Variants in CSMD3 observed in about 807,000 individuals in gnomAD.
CSMD3 encodes CUB and Sushi multiple domains 3, also known as CUB and sushi domain-containing protein 3.
In CSMD3, 177 loss-of-function variants were observed where a neutral mutation model predicts 435.2. The observed-to-expected ratio is 0.41, with a 90% confidence interval of 0.36 to 0.46. CSMD3 has a LOEUF of 0.46. Ranked by LOEUF, CSMD3 falls within the 20% of genes least tolerant of loss-of-function variation. The probability of loss-of-function intolerance (pLI) is 0.34; values close to 1 mark genes in which losing one functional copy is unlikely to be tolerated. For synonymous variants in CSMD3, 1,656 were observed against 1,520.5 expected (o/e 1.09, Z -2.07); for missense variants, 4,265 against 4,504.6 (o/e 0.95, Z 1.52).
At chr8:112,604,575 G>T (rs1477938318) in intron 22 of CSMD3, among the ~76,000 whole-genome samples, 1 of 152,034 alleles carries the variant, frequency 6.6e-6, no homozygotes, top group East Asian at 1.9e-4. Flanking sequence ...GAGATGACTG[G>T]CTAGGCATAT....
At chr8:112,480,259 G>A (rs1240733642) in intron 31 of CSMD3, among the ~76,000 whole-genome samples, 1 of 152,196 alleles carries the variant, frequency 6.6e-6, no homozygotes, top group Admixed American at 6.5e-5. Context: ...TGTATCTTGG[G>A]AGTAAATAAC....
chr8:113,287,916 A>G (rs914550346), intron 2 of CSMD3, among the ~76,000 whole-genome samples: 3 of 151,956 alleles, frequency 2.0e-5, no homozygotes, highest in African/African-American at 4.8e-5. Context: ...TCTTATTATT[A>G]AAAGAATTCC....
intron 1 of CSMD3, among the ~76,000 whole-genome samples, chr8:113,410,093 T>C (rs2094551223): frequency 6.6e-6 from 1 of 152,218 alleles, no homozygotes; most frequent in Admixed American, 6.5e-5. Flanking sequence ...CCATGTATGA[T>C]AAATAAATTA....
At chr8:112,746,851 T>A (rs1368081351) in intron 13 of CSMD3, among the ~76,000 whole-genome samples, 1 of 152,042 alleles carries the variant, frequency 6.6e-6, no homozygotes, top group Non-Finnish European at 1.5e-5. Context: ...GGATAGAAAT[T>A]CCTTTGCTTC....
intron 13 of CSMD3, among the ~76,000 whole-genome samples, chr8:112,764,522 G>A (rs569329846): frequency 4.9e-4 from 74 of 151,422 alleles, no homozygotes; most frequent in African/African-American, 1.7e-3. Flanking sequence ...AATTTATCAT[G>A]TTTAGGCTCA....
At position 112,267,396 on chromosome 8, in the gene CSMD3, T is replaced by C. The variant is rs184901674; in HGVS notation, c.9509-1806A>G. 2.8e-3 allele frequency among the ~76,000 whole-genome samples: 431 copies of C among 152,288 alleles called. 4 individuals carry two copies. The highest frequency in any genetic ancestry group is 9.8e-3 in the African/African-American group (406 of 41,580). On this transcript the variant is annotated intron_variant, in intron 59 of 70. Coordinates refer to ENST00000297405, the MANE Select transcript of CSMD3 (RefSeq NM_198123.2). Reference sequence around the variant, plus strand: ...ATGATTATTGGGGAGTAAAAAGATTTTTTTTAATGATACAACTGAGTTGGA... The same window carrying C: ...ATGATTATTGGGGAGTAAAAAGATTCTTTTTAATGATACAACTGAGTTGGA...
At chr8:112,286,950 T>C (rs980954691) in intron 58 of CSMD3, 114 bp downstream of exon 58, 2 of 832,978 alleles carry the variant, frequency 2.4e-6, no homozygotes, top group Non-Finnish European at 4.1e-6. Context: ...TTTTATTTCA[T>C]AGTTGCAGGC....
Position 113,219,203 on chromosome 8 carries a change from A to G in CSMD3, c.515-45287T>C, listed in dbSNP as rs189335714. ...ATGGGTATCTACCATTTTTGCCACT[A>G]TTTAACATCATTGTAGAGCTACCAG... On this transcript the variant is annotated intron_variant, in intron 3 of 70. Coordinates refer to ENST00000297405, the MANE Select transcript of CSMD3 (RefSeq NM_198123.2). Among the ~76,000 whole-genome samples, 826 of 151,512 alleles carry G rather than the reference A, an allele frequency of 5.5e-3. 12 individuals carry two copies. The highest frequency in any genetic ancestry group is 0.019 in the African/African-American group (796 of 41,476).
At chr8:113,147,356 T>C (rs2091700125) in intron 4 of CSMD3, among the ~76,000 whole-genome samples, 1 of 151,770 alleles carries the variant, frequency 6.6e-6, no homozygotes. Context: ...TTCTATCTGG[T>C]TGCAAAACTT....
chr8:113,258,789 G>A (rs546178044), intron 3 of CSMD3, among the ~76,000 whole-genome samples: 2 of 152,240 alleles, frequency 1.3e-5, no homozygotes, highest in African/African-American at 4.8e-5. Flanking sequence ...AAGAGAGAAA[G>A]CTAGGGAACT....
intron 13 of CSMD3, among the ~76,000 whole-genome samples, chr8:112,771,068 G>C (rs2078101221): frequency 6.6e-6 from 1 of 151,988 alleles, no homozygotes; most frequent in Admixed American, 6.6e-5. Flanking sequence ...AACCATACAT[G>C]CATGACATAT....
At chr8:112,973,993 C>A (rs1221688889) in intron 7 of CSMD3, among the ~76,000 whole-genome samples, 2 of 151,624 alleles carry the variant, frequency 1.3e-5, no homozygotes, top group Non-Finnish European at 3.0e-5. Flanking sequence ...TACATGGCAC[C>A]ACTGAATGCA....
intron 4 of CSMD3, among the ~76,000 whole-genome samples, chr8:113,121,575 C>A (rs1167557985): frequency 1.3e-5 from 2 of 152,016 alleles, no homozygotes; most frequent in African/African-American, 4.8e-5. Flanking sequence ...TGAGCTCTAA[C>A]CTCAAAATAC....
At chr8:112,271,018 A>C (rs1246491796) in intron 59 of CSMD3, among the ~76,000 whole-genome samples, 1 of 152,156 alleles carries the variant, frequency 6.6e-6, no homozygotes, top group Admixed American at 6.5e-5. Flanking sequence ...TATCTATCAT[A>C]TAATCAATCT....
chr8:113,367,901 T>A (rs964353909), intron 1 of CSMD3, among the ~76,000 whole-genome samples: 3 of 152,114 alleles, frequency 2.0e-5, no homozygotes, highest in African/African-American at 7.2e-5. Flanking sequence ...TTCTTCATGA[T>A]AATTGCAATC....
At chr8:113,041,422 TG>T (rs1273578941) in intron 5 of CSMD3, among the ~76,000 whole-genome samples, 6 of 152,104 alleles carry the variant, frequency 3.9e-5, no homozygotes, top group South Asian at 2.1e-4. Context: ...GCCCTCACAT[TG>T]GGGGAAAATT....
chr8:113,206,112 A>T (rs2092768178), intron 3 of CSMD3, among the ~76,000 whole-genome samples: 1 of 152,148 alleles, frequency 6.6e-6, no homozygotes, highest in Non-Finnish European at 1.5e-5. Flanking sequence ...GTGCCCTCCA[A>T]AGCATAATAA....
chr8:112,669,957 C>T (rs1165019403), intron 16 of CSMD3, among the ~76,000 whole-genome samples: 1 of 152,120 alleles, frequency 6.6e-6, no homozygotes, highest in Non-Finnish European at 1.5e-5. Flanking sequence ...AAATTCTTTC[C>T]AACTGACATT....
intron 59 of CSMD3, among the ~76,000 whole-genome samples, chr8:112,267,657 T>C (rs956672411): frequency 1.3e-5 from 2 of 152,072 alleles, no homozygotes; most frequent in Non-Finnish European, 2.9e-5. Context: ...CAAGGAGAAA[T>C]AGCCAGCCTG....
Sources: gnomAD v4.1 joint callset for allele counts (sites outside exome capture counted in the v4.1 genomes callset) on GRCh38, gnomAD v4.1.1 for gene constraint, MANE v1.5 for transcripts, NCBI Gene and HGNC (gene_info 2026-07-23, HGNC 2026-07-21) for gene names.